Variants in UBTD2 observed in about 807,000 individuals in gnomAD.
UBTD2 encodes the protein ubiquitin domain containing 2.
A neutral mutation model predicts 19.8 loss-of-function variants in UBTD2; 9 were observed. The ratio of observed to expected loss-of-function variants is 0.46; its 90% CI spans 0.27 to 0.79. The LOEUF (loss-of-function observed/expected upper bound fraction) is 0.79, where lower values mean the gene tolerates loss of function less well. Among genes scored for constraint, UBTD2 ranks in the 30% least tolerant of loss-of-function variants. The pLI is 0.14. For synonymous variants in UBTD2, 98 were observed against 103.9 expected, an observed-to-expected ratio of 0.94 and a Z score of 0.35; for missense variants, 250 against 300.4, an observed-to-expected ratio of 0.83 and a Z score of 1.24.
chr5:172,226,846 C>T (rs886866979), intron 2 of UBTD2, among the ~76,000 whole-genome samples: 1 of 152,150 alleles, frequency 6.6e-6, no homozygotes. Flanking sequence ...CCAAATCAGC[C>T]ATCAAGACTG....
intron 2 of UBTD2, among the ~76,000 whole-genome samples, chr5:172,222,305 G>A (rs1771666967): frequency 6.6e-6 from 1 of 152,056 alleles, no homozygotes; most frequent in Non-Finnish European, 1.5e-5. Flanking sequence ...TGATAGTAGT[G>A]GTTTCTACCA....
At chr5:172,263,849 C>CTGTGTGTGTG (rs1234224827) in intron 1 of UBTD2, among the ~76,000 whole-genome samples, 2 of 34,142 alleles carry the variant, frequency 5.9e-5, no homozygotes, top group Non-Finnish European at 9.8e-5. Flanking sequence ...ATGCACGTGC[C>CTGTGTGTGTG]TCTGTGTGTG....
At chr5:172,227,975 G>A (rs1479114589) in intron 2 of UBTD2, among the ~76,000 whole-genome samples, 5 of 151,864 alleles carry the variant, frequency 3.3e-5, no homozygotes, top group African/African-American at 9.7e-5. Context: ...CACTGTGCCC[G>A]GCCTGAAAAA....
chr5:172,256,397 T>C (rs1474224912), intron 1 of UBTD2, among the ~76,000 whole-genome samples: 1 of 151,816 alleles, frequency 6.6e-6, no homozygotes, highest in Non-Finnish European at 1.5e-5. Flanking sequence ...TTTTTTTTTT[T>C]TGGAGACAGG....
intron 1 of UBTD2, among the ~76,000 whole-genome samples, chr5:172,248,585 C>A (rs11960884): frequency 0.022 from 3,320 of 148,794 alleles, 102 homozygotes; most frequent in African/African-American, 0.077. Flanking sequence ...GAGACTCCGT[C>A]TAAAAAAAAA....
At chr5:172,216,513 G>A (rs115310849) in intron 2 of UBTD2, among the ~76,000 whole-genome samples, 3,515 of 146,092 alleles carry the variant, frequency 0.024, 119 homozygotes, top group African/African-American at 0.084. Flanking sequence ...AGCACTTTGC[G>A]AGGCCAAGGT....
At chr5:172,227,000 G>A (rs1489283679) in intron 2 of UBTD2, among the ~76,000 whole-genome samples, 1 of 152,124 alleles carries the variant, frequency 6.6e-6, no homozygotes, top group Non-Finnish European at 1.5e-5. Context: ...GTTTTAAGGG[G>A]GACACTGATC....
chr5:172,252,690 A>G (rs1755048926), intron 1 of UBTD2, among the ~76,000 whole-genome samples: 1 of 152,214 alleles, frequency 6.6e-6, no homozygotes, highest in African/African-American at 2.4e-5. Flanking sequence ...TAATGTTAAG[A>G]GCCTGGCAAA....
At chr5:172,219,726 G>A (rs1258426197) in intron 2 of UBTD2, among the ~76,000 whole-genome samples, 1 of 152,114 alleles carries the variant, frequency 6.6e-6, no homozygotes, top group East Asian at 1.9e-4. Context: ...TTGTGAAGTT[G>A]TAAAGAAGGA....
In UBTD2 at chr5:172,227,672, C is replaced by G. The variant is rs1439189712; in HGVS notation, c.307+6450G>C. On this transcript the variant is annotated intron_variant, in intron 2 of 2. Transcript: ENST00000393792. The stretch of plus-strand genomic sequence containing the variant: ...TGCTGGGATTATAGGCGTGAGCCAC[C>G]ATGCCTGGCCAAATGAAAAATTCTT... 2.7e-5 allele frequency among the ~76,000 whole-genome samples: 4 copies of G among 148,120 alleles called. No individual in the cohort carries two copies. The Admixed American group carries it at 2.7e-4, about 10-fold the overall frequency.
chr5:172,248,747 GC>G (rs1754932083), intron 1 of UBTD2, among the ~76,000 whole-genome samples: 1 of 150,790 alleles, frequency 6.6e-6, no homozygotes, highest in Admixed American at 6.6e-5. Flanking sequence ...AGGTGACAGA[GC>G]AAGATCCTGT....
At chr5:172,231,614 A>G (rs1208660175) in intron 2 of UBTD2, among the ~76,000 whole-genome samples, 3 of 152,224 alleles carry the variant, frequency 2.0e-5, no homozygotes, top group Non-Finnish European at 4.4e-5. Context: ...CAAGGCTACA[A>G]TATACAGAAT....
intron 1 of UBTD2, among the ~76,000 whole-genome samples, chr5:172,246,774 T>G (rs1754892503): frequency 1.1e-5 from 1 of 92,932 alleles, no homozygotes. Context: ...TTTTTTTTTT[T>G]TTTTTTTGAG....
At chr5:172,218,319 G>A (rs1468165302) in intron 2 of UBTD2, among the ~76,000 whole-genome samples, 1 of 152,122 alleles carries the variant, frequency 6.6e-6, no homozygotes, top group Non-Finnish European at 1.5e-5. Context: ...AGCAAAAGCA[G>A]TGATCACTGG....
At chr5:172,282,965 C>A (rs1404872808) in intron 1 of UBTD2, among the ~76,000 whole-genome samples, 2 of 152,176 alleles carry the variant, frequency 1.3e-5, no homozygotes, top group Non-Finnish European at 2.9e-5. Flanking sequence ...ACCGGCCTAA[C>A]ACCCCCAAGC....
chr5:172,276,430 T>G (rs1245342081), intron 1 of UBTD2, among the ~76,000 whole-genome samples: 1 of 152,200 alleles, frequency 6.6e-6, no homozygotes, highest in African/African-American at 2.4e-5. Context: ...GATTACCCCA[T>G]GCATGTATTG....
chr5:172,268,047 G>A (rs1755410637), intron 1 of UBTD2, among the ~76,000 whole-genome samples: 1 of 152,194 alleles, frequency 6.6e-6, no homozygotes, highest in Non-Finnish European at 1.5e-5. Flanking sequence ...TAAAGTCAAA[G>A]ATGTGTTCCA....
At chr5:172,261,673 G>A (rs1489493130) in intron 1 of UBTD2, among the ~76,000 whole-genome samples, 1 of 151,842 alleles carries the variant, frequency 6.6e-6, no homozygotes, top group African/African-American at 2.4e-5. Flanking sequence ...TGCCCAGGCT[G>A]GAGTGTAGTG....
chr5:172,222,728 A>T, intron 2 of UBTD2, among the ~76,000 whole-genome samples: 1 of 152,236 alleles, frequency 6.6e-6, no homozygotes, highest in Admixed American at 6.5e-5. Context: ...TAAATAGAGA[A>T]TACCATGGGA....
Sources: gnomAD v4.1 joint callset for allele counts (sites outside exome capture counted in the v4.1 genomes callset) on GRCh38, gnomAD v4.1.1 for gene constraint, MANE v1.5 for transcripts, NCBI Gene and HGNC (gene_info 2026-07-23, HGNC 2026-07-21) for gene names.